Variants in ZFPL1 observed in about 807,000 individuals in gnomAD.
ZFPL1 encodes the protein zinc finger protein like 1.
In ZFPL1, 28 loss-of-function variants were observed where a neutral mutation model predicts 32.0. That is an observed-to-expected ratio of 0.87 (90% CI 0.65 to 1.20). The LOEUF is 1.20. ZFPL1 is among the 50% of genes most tolerant of loss of function. The probability of loss-of-function intolerance (pLI) is 0.00; values close to 1 mark genes in which losing one functional copy is unlikely to be tolerated. For synonymous variants in ZFPL1, 165 were observed against 177.0 expected, an observed-to-expected ratio of 0.93 and a Z score of 0.54; for missense variants, 386 against 424.8, an observed-to-expected ratio of 0.91 and a Z score of 0.80.
rs370447515 is a variant in ZFPL1 at position 65,086,485 on chromosome 11, T to C, written c.285T>C (p.Tyr95=). Residue 95 remains tyrosine (Y), a synonymous_variant, in exon 4 of 8, where the codon TAT becomes TAC. Transcript: ENST00000294258. ...CCCGAAACACGGCACCTGCCGGCTA[T>C]CAGTGCCCCAGCTGCAATGGCCCCA... ...QLPRNTAPAG[Y]QCPSCNGPIF... 61 of 1,613,956 alleles carry C rather than the reference T, an allele frequency of 3.8e-5. No homozygotes were observed. In the Middle Eastern group the frequency reaches 8.2e-4, roughly 22 times the overall value.
rs1947699994 is a variant in ZFPL1, at chr11:65,088,296, T to TAA, written c.*182_*183insAA. 3 of 1,101,352 alleles carry TAA rather than the reference T, an allele frequency of 2.7e-6. No homozygotes were observed. The highest frequency in any genetic ancestry group is 3.9e-6 in the Non-Finnish European group (3 of 763,982). The allele number at this position is 1,101,352 out of a possible 1,614,324, so 68.2% of individuals were successfully genotyped here. ...AGGCCAGGCCTGGAGTCCCCGTGGG[T>TAA]CAAGCATTTGTCTTGACTTGCTTTC... is the stretch of plus-strand genomic sequence containing the variant. On this transcript the variant is annotated 3_prime_UTR_variant, in exon 8 of 8. Coordinates refer to ENST00000294258, the MANE Select transcript of ZFPL1 (RefSeq NM_006782.4).
chr11:65,085,595 CAG>C (rs753719482), intron 3 of ZFPL1: 2 of 298,966 alleles, frequency 6.7e-6, no homozygotes, highest in Non-Finnish European at 1.3e-5. Flanking sequence ...CAAGGCTAAA[CAG>C]AGAGGAAGTG....
chr11:65,087,713 C>T (rs1454624135), intron 7 of ZFPL1: 12 of 626,060 alleles, frequency 1.9e-5, no homozygotes, highest in South Asian at 1.2e-4. Flanking sequence ...TTCTCCCCGA[C>T]GTCTGACACA....
At position 65,086,829 on chromosome 11, in the gene ZFPL1, C is replaced by T. The variant is rs762052540; in HGVS notation, c.481+37C>T. 14 of 1,614,022 alleles carry T rather than the reference C, an allele frequency of 8.7e-6. No homozygotes were observed. The East Asian group carries it at 1.8e-4, about 21-fold the overall frequency. On this transcript the variant is annotated intron_variant, in intron 5 of 7. Transcript: ENST00000294258. ...CTTCCACCGACTGTTTGGGCTTTAG[C>T]CTCCCTGCTCTGCTGACAGCTCCCT...
intron 3 of ZFPL1, chr11:65,085,657 A>G (rs1248297192): frequency 8.2e-6 from 2 of 244,504 alleles, no homozygotes; most frequent in Non-Finnish European, 1.6e-5. Flanking sequence ...CATATGTGTC[A>G]TGACTTTGAC....
chr11:65,086,033 C>A, intron 3 of ZFPL1: 1 of 283,962 alleles, frequency 3.5e-6, no homozygotes, highest in Non-Finnish European at 6.8e-6. Flanking sequence ...ACATTTGTGC[C>A]CAGGGATGTG....
chr11:65,086,864 G>A lies in ZFPL1; in HGVS notation c.482-64G>A. On this transcript the variant is annotated intron_variant, in intron 5 of 7. Coordinates refer to ENST00000294258, the MANE Select transcript of ZFPL1 (RefSeq NM_006782.4). ...CTGCTGACAGCTCCCTTGGTCTGCAGTCACATGCTCTACCCCTGAGCTCTA... is the reference window on the plus strand; with the variant it reads ...CTGCTGACAGCTCCCTTGGTCTGCAATCACATGCTCTACCCCTGAGCTCTA... 7 of 1,613,656 alleles carry A rather than the reference G, an allele frequency of 4.3e-6. No homozygotes were observed. The South Asian group carries it at 7.7e-5, about 18-fold the overall frequency.
chr11:65,086,424 A>G lies in ZFPL1; in HGVS notation c.224A>G (p.His75Arg). 1 of 1,613,944 alleles carries G rather than the reference A, an allele frequency of 6.2e-7. No individual in the cohort carries two copies. Among genetic ancestry groups the G allele is most frequent in the Non-Finnish European group, 8.5e-7 (1 of 1,180,004 alleles). ...TCTCATGGGCCCTAAGATCTCTTTC[A>G]CTGGGCCTGCCTCAATGAACGTGCT... ...TTRLVCYDLF[H>R]WACLNERAAQ... is the part of the protein sequence containing the mutation. Residue 75 changes from histidine (H) to arginine (R), a missense_variant, in exon 4 of 8, where the codon CAC becomes CGC. Coordinates refer to ENST00000294258, the MANE Select transcript of ZFPL1 (RefSeq NM_006782.4).
Position 65,085,242 on chromosome 11 carries a change from C to CT in ZFPL1, c.214+17dup. The CT allele has an allele frequency of 3.1e-6, 5 of 1,611,752 alleles. No individual in the cohort carries two copies. Among genetic ancestry groups the CT allele is most frequent in the Non-Finnish European group, 4.2e-6 (5 of 1,178,094 alleles). ...GTCTGCTATGGTGAGGCCTTGGCAC[C>CT]TCGGGGGGATCAGGCCAGCCTCAGG... On this transcript the variant is annotated intron_variant, in intron 3 of 7. Transcript: ENST00000294258.
chr11:65,087,154 G>C (rs1033236736), intron 6 of ZFPL1, 80 bp downstream of exon 6: 1 of 1,569,616 alleles, frequency 6.4e-7, no homozygotes, highest in Non-Finnish European at 8.7e-7. Flanking sequence ...TGAGGATCCA[G>C]AGACCCACCC....
chr11:65,085,376 T>A, intron 3 of ZFPL1, 150 bp downstream of exon 3: 2 of 702,840 alleles, frequency 2.8e-6, no homozygotes, highest in Non-Finnish European at 5.1e-6. Flanking sequence ...ACCTGCTGTG[T>A]AAGTTCAGGC....
rs1947669550 is a variant in ZFPL1, at chr11:65,085,584, C to G, written c.214+358C>G. The stretch of plus-strand genomic sequence containing the variant: ...AGATATTCAGGATCCACCACTGATT[C>G]CAAGGCTAAACAGAGAGGAAGTGAG... On this transcript the variant is annotated intron_variant, in intron 3 of 7. Transcript: ENST00000294258. The G allele has an allele frequency of 1.2e-5, 4 of 328,352 alleles. No individual in the cohort carries two copies. The Admixed American group carries it at 1.3e-4, about 11-fold the overall frequency. 20.3% of individuals were successfully genotyped at this position (328,352 alleles called of 1,614,324 possible).
Position 65,086,277 on chromosome 11 carries a change from A to G in ZFPL1, c.215-138A>G, listed in dbSNP as rs74327388. On this transcript the variant is annotated intron_variant, in intron 3 of 7. Transcript: ENST00000294258. ...GCCAAGAAGACTGACATTTTAGGGA[A>G]CAGGACGGGGAGGAGAAGGCTCTGG... The G allele has an allele frequency of 1.9e-3, 2,169 of 1,138,230 alleles. 29 individuals are homozygous for G. In the African/African-American group the frequency reaches 0.028, roughly 15 times the overall value. 70.5% of individuals were successfully genotyped at this position (1,138,230 alleles called of 1,614,324 possible).
intron 1 of ZFPL1, 91 bp from the exon 2 acceptor site, chr11:65,084,600 C>A: frequency 9.6e-7 from 1 of 1,046,008 alleles, no homozygotes; most frequent in Non-Finnish European, 1.5e-6. Flanking sequence ...TGAGAGGTGT[C>A]TGGGGGAGTT....
rs1255691091 is a variant in ZFPL1 at position 65,086,811 on chromosome 11, C to T, written c.481+19C>T. On this transcript the variant is annotated intron_variant, in intron 5 of 7. Coordinates refer to ENST00000294258, the MANE Select transcript of ZFPL1 (RefSeq NM_006782.4). ...TTTAATGGTAAGTGGTGGCTTCCAC[C>T]GACTGTTTGGGCTTTAGCCTCCCTG... 4 of 1,614,178 alleles carry T rather than the reference C, an allele frequency of 2.5e-6. No individual in the cohort carries two copies. Among genetic ancestry groups the T allele is most frequent in the East Asian group, 2.2e-5 (1 of 44,888 alleles).
In ZFPL1 at chr11:65,087,335, T is replaced by TA; in HGVS notation, c.649dup (p.Thr217AsnfsTer4). 6.2e-7 allele frequency: 1 copy of TA among 1,613,988 alleles called. No individual in the cohort carries two copies. Among genetic ancestry groups the TA allele is most frequent in the Non-Finnish European group, 8.5e-7 (1 of 1,179,976 alleles). ...CTGTAGCCCCTAGGAAGGTGTATGA[T>TA]ACGCGGGATGATGACCGGACACCAG... On this transcript the variant is annotated frameshift_variant, in exon 7 of 8. Coordinates refer to ENST00000294258, the MANE Select transcript of ZFPL1 (RefSeq NM_006782.4). LOFTEE classifies it high-confidence loss of function.
At position 65,084,904 on chromosome 11, in the gene ZFPL1, A is replaced by G. The variant is rs376863208; in HGVS notation, c.102+104A>G. 44 of 1,356,830 alleles carry G rather than the reference A, an allele frequency of 3.2e-5. 2 individuals are homozygous for G. The highest frequency in any genetic ancestry group is 2.4e-4 in the African/African-American group (17 of 69,420). 84.0% of individuals were successfully genotyped at this position (1,356,830 alleles called of 1,614,324 possible). Reference sequence around the variant, plus strand: ...CCCCGCGCTAGAATGTAAGCCCCACAAGGGCAAGGACTTGATTTATTTTGT... The same window carrying G: ...CCCCGCGCTAGAATGTAAGCCCCACGAGGGCAAGGACTTGATTTATTTTGT... On this transcript the variant is annotated intron_variant, in intron 2 of 7. Transcript: ENST00000294258.
chr11:65,087,338 G>A lies in ZFPL1; in HGVS notation c.651G>A (p.Thr217=), dbSNP rs757283345. The change falls in exon 7 of 8, where the codon ACG becomes ACA. Residue 217 remains threonine (T), a synonymous_variant. Transcript: ENST00000294258. The part of the protein sequence containing the change: ...LTHAPRKVYD[T]RDDDRTPGLH... ...TAGCCCCTAGGAAGGTGTATGATAC[G>A]CGGGATGATGACCGGACACCAGGCC... The A allele has an allele frequency of 9.9e-6, 16 of 1,613,950 alleles. No homozygotes were observed. Among genetic ancestry groups the A allele is most frequent in the Admixed American group, 5.0e-5 (3 of 59,984 alleles).
Position 65,088,322 on chromosome 11 carries a change from C to A in ZFPL1, c.*208C>A, listed in dbSNP as rs201399867. ...CAAGCATTTGTCTTGACTTGCTTTCCTCCCGGGTCTCCAGCCTCCGACCCC... is the reference window on the plus strand; with the variant it reads ...CAAGCATTTGTCTTGACTTGCTTTCATCCCGGGTCTCCAGCCTCCGACCCC... On this transcript the variant is annotated 3_prime_UTR_variant, in exon 8 of 8. Coordinates refer to ENST00000294258, the MANE Select transcript of ZFPL1 (RefSeq NM_006782.4). The A allele has an allele frequency of 5.6e-4, 643 of 1,139,272 alleles. No individual in the cohort carries two copies. Among genetic ancestry groups the A allele is most frequent in the Non-Finnish European group, 7.1e-4 (560 of 791,196 alleles). The allele number at this position is 1,139,272 out of a possible 1,614,324, so 70.6% of individuals were successfully genotyped here.
Sources: allele counts gnomAD v4.1 joint callset, GRCh38; gene constraint gnomAD v4.1.1; transcripts MANE v1.5; gene names NCBI Gene and HGNC (gene_info 2026-07-23, HGNC 2026-07-21).